Variants in PLA2G4D observed in about 807,000 individuals in gnomAD.
PLA2G4D encodes cytosolic phospholipase A2 delta.
A neutral mutation model predicts 94.4 loss-of-function variants in PLA2G4D; 80 were observed. The ratio of observed to expected loss-of-function variants is 0.85; its 90% CI spans 0.71 to 1.02. The LOEUF (loss-of-function observed/expected upper bound fraction) is 1.02, where lower values mean the gene tolerates loss of function less well. Ranked by LOEUF, PLA2G4D falls within the 50% of genes least tolerant of loss-of-function variation. The probability of loss-of-function intolerance (pLI) is 0.00; values close to 1 mark genes in which losing one functional copy is unlikely to be tolerated. For synonymous variants in PLA2G4D, 438 were observed against 440.9 expected (o/e 0.99, Z 0.08); for missense variants, 1,050 against 1,034.7 (o/e 1.01, Z -0.20).
intron 13 of PLA2G4D, among the ~76,000 whole-genome samples, chr15:42,076,269 T>C (rs1470678014): frequency 1.3e-5 from 2 of 152,160 alleles, no homozygotes; most frequent in Non-Finnish European, 2.9e-5. Flanking sequence ...AAAACAAAAT[T>C]GGATCCCTAT....
chr15:42,084,355 C>T lies in PLA2G4D; in HGVS notation c.472-576G>A, dbSNP rs1890099774. Among the ~76,000 whole-genome samples the T allele has an allele frequency of 6.6e-6, 1 of 152,172 alleles. No individual in the cohort carries two copies. The highest frequency in any genetic ancestry group is 2.4e-5 in the African/African-American group (1 of 41,442). On this transcript the variant is annotated intron_variant, in intron 6 of 19. Coordinates refer to ENST00000290472, the MANE Select transcript of PLA2G4D (RefSeq NM_178034.4). The surrounding 1 kb of genome is among the most constrained non-coding windows in gnomAD (Gnocchi z 4.8). ...CTGAATTTGCCCACCTGCTGTGTGT[C>T]TCCATCACCTCCTAAGAGGCAGTGC...
chr15:42,070,948 C>T, intron 17 of PLA2G4D, 65 bp from the exon 18 acceptor site: 3 of 1,562,722 alleles, frequency 1.9e-6, no homozygotes, highest in Non-Finnish European at 2.6e-6. Flanking sequence ...GTCCCCTTCT[C>T]TCCTCTGGGT....
At chr15:42,089,778 A>G (rs1890218569) in intron 1 of PLA2G4D, among the ~76,000 whole-genome samples, 1 of 152,130 alleles carries the variant, frequency 6.6e-6, no homozygotes, top group Non-Finnish European at 1.5e-5. Flanking sequence ...GGCCAGGCTG[A>G]TACTCCACAG....
In PLA2G4D at chr15:42,083,219, T is replaced by C; in HGVS notation, c.651A>G (p.Thr217=). 1 of 1,614,092 alleles carries C rather than the reference T, an allele frequency of 6.2e-7. No homozygotes were observed. The change falls in exon 8 of 20, where the codon ACA becomes ACG. Residue 217 remains threonine, a synonymous_variant. Transcript: ENST00000290472. ...FRFHYMAALE[T]ELSGRLRSSR... ...CCACCCTCAGGCGCCCGCTCAGCTC[T>C]GTCTCTAGGGCTGCCATGTAGTGGA...
At position 42,086,294 on chromosome 15, in the gene PLA2G4D, G is replaced by A; in HGVS notation, c.306C>T (p.Asp102=). 5.0e-6 allele frequency: 8 copies of A among 1,596,524 alleles called. No homozygotes were observed. The South Asian group carries it at 7.7e-5, about 15-fold the overall frequency. ...IYDEDSVTED[D]ICFKVLYDIS... is the part of the protein sequence containing the mutation. Reference sequence around the variant, plus strand: ...TGTCATAGAGAACCTTGAAGCAGATGTCATCCTCCGTGACTGAGTCCTCAT... The same window carrying A: ...TGTCATAGAGAACCTTGAAGCAGATATCATCCTCCGTGACTGAGTCCTCAT... The change falls in exon 4 of 20, where the codon GAC becomes GAT. Residue 102 remains aspartate, a synonymous_variant. Transcript: ENST00000290472.
intron 13 of PLA2G4D, among the ~76,000 whole-genome samples, chr15:42,075,946 G>A (rs1006209375): frequency 4.2e-5 from 6 of 144,120 alleles, no homozygotes; most frequent in Admixed American, 6.9e-5. Flanking sequence ...GAGGAAGAAG[G>A]AAGGAAGGAA....
rs1890103327 is a variant in PLA2G4D at position 42,084,557 on chromosome 15, C to T, written c.471+539G>A. 1.3e-5 allele frequency among the ~76,000 whole-genome samples: 2 copies of T among 152,146 alleles called. No homozygotes were observed. The highest frequency in any genetic ancestry group is 1.5e-5 in the Non-Finnish European group (1 of 68,036). On this transcript the variant is annotated intron_variant, in intron 6 of 19. Transcript: ENST00000290472. This position sits in a 1 kb window ranked among gnomAD's most constrained non-coding sequence, Gnocchi z 4.8. ...GTGATAATCGAGCGCGTCGCCCGCT[C>T]GCCACCTTGCGGCCATTTCTGTCCA...
intron 13 of PLA2G4D, among the ~76,000 whole-genome samples, chr15:42,079,044 G>GTATTGAGTATT (rs1889981359): frequency 5.3e-5 from 8 of 152,180 alleles, no homozygotes; most frequent in African/African-American, 1.9e-4. Context: ...ATTCAGAACA[G>GTATTGAGTATT]CTCTATGACT....
Position 42,086,160 on chromosome 15 carries a change from C to T in PLA2G4D, c.387+53G>A, listed in dbSNP as rs1429224506. On this transcript the variant is annotated intron_variant, in intron 4 of 19. Transcript: ENST00000290472. ...GTGGGAGAAATAGCTACTTCCTCAG[C>T]TTGGAGTTGGAAGAAGTGGGGCCCA... The T allele has an allele frequency of 1.3e-5, 20 of 1,518,376 alleles. No individual in the cohort carries two copies. In the East Asian group the frequency reaches 4.4e-4, roughly 34 times the overall value. The allele number at this position is 1,518,376 out of a possible 1,614,324, so 94.1% of individuals were successfully genotyped here. A position where few individuals can be genotyped will look rare whatever the true frequency, so the allele number is the denominator to read the frequency against.
intron 18 of PLA2G4D, chr15:42,070,404 G>A: frequency 2.0e-6 from 1 of 512,730 alleles, no homozygotes; most frequent in Non-Finnish European, 3.4e-6. Context: ...ACCCACATTG[G>A]CACAGCGTCT....
At chr15:42,094,040 G>T (rs917463663) in intron 1 of PLA2G4D, among the ~76,000 whole-genome samples, 3 of 152,166 alleles carry the variant, frequency 2.0e-5, no homozygotes, top group African/African-American at 7.2e-5. Context: ...CACACAGGGT[G>T]ATCCCAGGGC....
Position 42,070,632 on chromosome 15 carries a change from G to C in PLA2G4D, c.2043+85C>G, listed in dbSNP as rs567051916. ...CTTCCCTTCGGGACCCCGGCGGTGTGGGGCAGGGGCTCAGTGGCCCTGCTG... is the reference window on the plus strand; with the variant it reads ...CTTCCCTTCGGGACCCCGGCGGTGTCGGGCAGGGGCTCAGTGGCCCTGCTG... On this transcript the variant is annotated intron_variant, in intron 18 of 19. Coordinates refer to ENST00000290472, the MANE Select transcript of PLA2G4D (RefSeq NM_178034.4). The C allele has an allele frequency of 2.9e-5, 41 of 1,426,848 alleles. 1 individual carries two copies. The African/African-American group carries it at 5.5e-4, about 19-fold the overall frequency. 88.4% of individuals were successfully genotyped at this position (1,426,848 alleles called of 1,614,324 possible).
chr15:42,081,865 C>G (rs778982845), intron 9 of PLA2G4D, 31 bp from the exon 10 acceptor site: 1 of 1,613,906 alleles, frequency 6.2e-7, no homozygotes, highest in Admixed American at 1.7e-5. Context: ...TCTGCTCAGA[C>G]CCTCCTAGAC....
intron 9 of PLA2G4D, among the ~76,000 whole-genome samples, 198 bp downstream of exon 9, chr15:42,082,081 G>T (rs1006437039): frequency 6.6e-6 from 1 of 152,006 alleles, no homozygotes; most frequent in Admixed American, 6.6e-5. Context: ...ACAGGTGTGC[G>T]CCACCACACC....
At chr15:42,079,114 T>C (rs1026797424) in intron 13 of PLA2G4D, among the ~76,000 whole-genome samples, 4 of 152,354 alleles carry the variant, frequency 2.6e-5, no homozygotes, top group African/African-American at 9.6e-5. Context: ...AGAGGTTAAG[T>C]AACTTGCCTA....
chr15:42,081,927 CTT>C (rs398027016), intron 9 of PLA2G4D, 93 bp from the exon 10 acceptor site: 33,459 of 682,292 alleles, frequency 0.049, no homozygotes, highest in East Asian at 0.075. Context: ...CATCTTCATT[CTT>C]TTTTTTTTTT....
Position 42,071,227 on chromosome 15 carries a change from C to G in PLA2G4D, c.1772G>C (p.Gly591Ala), listed in dbSNP as rs376232407. The G allele has an allele frequency of 6.2e-7, 1 of 1,613,256 alleles. No homozygotes were observed. The highest frequency in any genetic ancestry group is 8.5e-7 in the Non-Finnish European group (1 of 1,179,782). The change falls in exon 17 of 20, where the codon GGC (glycine) becomes GCC (alanine). Residue 591 changes from glycine (G) to alanine (A), a missense_variant. Coordinates refer to ENST00000290472, the MANE Select transcript of PLA2G4D (RefSeq NM_178034.4). ...PGTALAQAFK[G>A]FLTGRPLHQR... Reference sequence around the variant, plus strand: ...GTGGAGGGGCCTGCCTGTCAGGAAGCCTTTAAATGCCTGGGCCAGCGCCGT... The same window carrying G: ...GTGGAGGGGCCTGCCTGTCAGGAAGGCTTTAAATGCCTGGGCCAGCGCCGT...
Position 42,068,703 on chromosome 15 carries a change from C to T in PLA2G4D, c.*12G>A. 6.3e-7 allele frequency: 1 copy of T among 1,595,142 alleles called. No individual in the cohort carries two copies. The highest frequency in any genetic ancestry group is 2.3e-5 in the East Asian group (1 of 43,960). On this transcript the variant is annotated 3_prime_UTR_variant, in exon 20 of 20. Coordinates refer to ENST00000290472, the MANE Select transcript of PLA2G4D (RefSeq NM_178034.4). ...CGCAGGCCCTGGAGGGTCCTGCAGC[C>T]TCTGAGCAACCTCAGGTCTGTGCCC...
intron 13 of PLA2G4D, among the ~76,000 whole-genome samples, chr15:42,077,333 A>T (rs757158873): frequency 9.9e-5 from 15 of 152,246 alleles, no homozygotes; most frequent in Non-Finnish European, 1.8e-4. Context: ...AAAGTTCTCG[A>T]CAAAATACTA....
Sources: gnomAD v4.1 joint callset for allele counts (sites outside exome capture counted in the v4.1 genomes callset) on GRCh38, gnomAD v4.1.1 for gene constraint, Gnocchi (gnomAD v3.1) non-coding constraint, MANE v1.5 for transcripts, NCBI Gene and HGNC (gene_info 2026-07-23, HGNC 2026-07-21) for gene names.